Variants in TSHZ2 observed in about 807,000 individuals in gnomAD.
TSHZ2 encodes teashirt homolog 2.
A neutral mutation model predicts 74.4 loss-of-function variants in TSHZ2; 21 were observed. The observed-to-expected ratio is 0.28, with a 90% confidence interval of 0.20 to 0.41. TSHZ2 has a LOEUF of 0.41. Among genes scored for constraint, TSHZ2 ranks in the 10% least tolerant of loss-of-function variants. TSHZ2 has a pLI of 1.00. For missense variants in TSHZ2, 1,244 were observed against 1,293.5 expected (o/e 0.96, Z 0.59); for synonymous variants, 540 against 515.3 (o/e 1.05, Z -0.65).
At chr20:52,979,259 C>G (rs972957652) in intron 1 of TSHZ2, among the ~76,000 whole-genome samples, 3 of 151,954 alleles carry the variant, frequency 2.0e-5, no homozygotes, top group Non-Finnish European at 4.4e-5. Context: ...TTAGAGATAG[C>G]ATTTAAAGTG....
At chr20:53,478,366 C>T (rs1986044108) in intron 2 of TSHZ2, among the ~76,000 whole-genome samples, 1 of 151,750 alleles carries the variant, frequency 6.6e-6, no homozygotes, top group Admixed American at 6.6e-5. Context: ...TTTGTAGGGA[C>T]ATGGATGAAA....
At chr20:53,220,860 G>A (rs1743819170) in intron 1 of TSHZ2, among the ~76,000 whole-genome samples, 2 of 152,250 alleles carry the variant, frequency 1.3e-5, no homozygotes, top group Non-Finnish European at 2.9e-5. Context: ...GAACTGGAGT[G>A]CTTGTTCTGC....
At chr20:53,189,006 CAGCTT>C (rs758964241) in intron 1 of TSHZ2, among the ~76,000 whole-genome samples, 2 of 152,314 alleles carry the variant, frequency 1.3e-5, no homozygotes, top group East Asian at 3.9e-4. Flanking sequence ...CAAAAGCACA[CAGCTT>C]AGAAGTAGCA....
chr20:53,378,380 T>C (rs925917646), intron 2 of TSHZ2, among the ~76,000 whole-genome samples: 2 of 139,452 alleles, frequency 1.4e-5, no homozygotes, highest in African/African-American at 5.3e-5. Flanking sequence ...ATAATAATAA[T>C]AGAACCTAAT....
rs138245848 is a variant in TSHZ2 at position 53,341,451 on chromosome 20, T to C, written c.*8+84880T>C. On this transcript the variant is annotated intron_variant, in intron 2 of 2. Transcript: ENST00000371497. ...GGAGGAACAGGTTGGCCACCCTTGC[T>C]AAGGCTTTTCATGCATTATCTCTTT... is the stretch of plus-strand genomic sequence containing the variant. 4.3e-3 allele frequency among the ~76,000 whole-genome samples: 653 copies of C among 152,238 alleles called. 2 individuals carry two copies. Among genetic ancestry groups the C allele is most frequent in the Middle Eastern group, 0.024 (7 of 294 alleles).
At chr20:53,196,004 A>C (rs575283457) in intron 1 of TSHZ2, among the ~76,000 whole-genome samples, 3 of 152,306 alleles carry the variant, frequency 2.0e-5, no homozygotes, top group South Asian at 4.2e-4. Flanking sequence ...TTGGGAAGGC[A>C]TAACAAGGGG....
chr20:53,034,588 GT>G (rs1162587226), intron 1 of TSHZ2, among the ~76,000 whole-genome samples: 1 of 152,216 alleles, frequency 6.6e-6, no homozygotes, highest in African/African-American at 2.4e-5. Flanking sequence ...TGAGTCGGAA[GT>G]TATTTTACAG....
At chr20:53,056,865 G>A (rs929951011) in intron 1 of TSHZ2, among the ~76,000 whole-genome samples, 2 of 152,174 alleles carry the variant, frequency 1.3e-5, no homozygotes, top group Non-Finnish European at 2.9e-5. Context: ...CTTAGGATCT[G>A]TCCAGTGGCT....
At chr20:53,040,939 T>C (rs1355522305) in intron 1 of TSHZ2, among the ~76,000 whole-genome samples, 1 of 152,128 alleles carries the variant, frequency 6.6e-6, no homozygotes, top group Non-Finnish European at 1.5e-5. Context: ...CAGCAGCTGC[T>C]TTCTTTACCG....
intron 1 of TSHZ2, among the ~76,000 whole-genome samples, chr20:53,209,359 T>C (rs1475024012): frequency 6.6e-6 from 1 of 152,154 alleles, no homozygotes; most frequent in African/African-American, 2.4e-5. Flanking sequence ...AGTGCTGGGA[T>C]TACAGGCATG....
chr20:53,336,267 C>T (rs1379485338), intron 2 of TSHZ2, among the ~76,000 whole-genome samples: 4 of 152,122 alleles, frequency 2.6e-5, no homozygotes, highest in Admixed American at 2.0e-4. Flanking sequence ...GAAATTCTAC[C>T]ACGTCTCCTT....
intron 2 of TSHZ2, among the ~76,000 whole-genome samples, chr20:53,392,850 C>T (rs934618844): frequency 1.9e-4 from 29 of 151,536 alleles, no homozygotes; most frequent in African/African-American, 6.8e-4. Context: ...TCTTTTTTTT[C>T]TTGAGACAGA....
chr20:53,220,192 A>G (rs1989521854), intron 1 of TSHZ2, among the ~76,000 whole-genome samples: 1 of 152,230 alleles, frequency 6.6e-6, no homozygotes. Flanking sequence ...ATGAAGGAAC[A>G]GATTTTAAAC....
intron 1 of TSHZ2, among the ~76,000 whole-genome samples, chr20:52,974,115 T>C (rs976999623): frequency 2.0e-5 from 3 of 152,200 alleles, no homozygotes; most frequent in Non-Finnish European, 4.4e-5. Context: ...ATCAGTACAA[T>C]AGACCTTCTA....
intron 2 of TSHZ2, among the ~76,000 whole-genome samples, chr20:53,478,624 A>G (rs973682747): frequency 4.0e-5 from 6 of 150,820 alleles, no homozygotes; most frequent in South Asian, 2.1e-4. Flanking sequence ...TAACTAACCT[A>G]CACAATGTGC....
chr20:53,156,233 A>G (rs986771857), intron 1 of TSHZ2, among the ~76,000 whole-genome samples: 2 of 152,220 alleles, frequency 1.3e-5, no homozygotes, highest in African/African-American at 4.8e-5. Flanking sequence ...CAAAAAAGCT[A>G]GTTGAAGAGG....
chr20:53,267,841 T>C (rs1301381766), intron 2 of TSHZ2, among the ~76,000 whole-genome samples: 1 of 152,250 alleles, frequency 6.6e-6, no homozygotes, highest in Admixed American at 6.5e-5. Context: ...TCTTAATTCT[T>C]GCAACAACTT....
chr20:53,482,251 A>C (rs1178727174), intron 2 of TSHZ2, among the ~76,000 whole-genome samples: 2 of 152,176 alleles, frequency 1.3e-5, no homozygotes, highest in Non-Finnish European at 2.9e-5. Context: ...GTGGTTGAAG[A>C]GACAAGAATG....
intron 1 of TSHZ2, among the ~76,000 whole-genome samples, chr20:52,980,108 T>A (rs1447168150): frequency 2.0e-5 from 3 of 152,170 alleles, no homozygotes; most frequent in Non-Finnish European, 4.4e-5. Flanking sequence ...TTTTAAAAAA[T>A]TGTTTCAGAA....
Sources: allele counts gnomAD v4.1 joint callset (sites outside exome capture counted in the v4.1 genomes callset), GRCh38; gene constraint gnomAD v4.1.1; transcripts MANE v1.5; gene names NCBI Gene and HGNC (gene_info 2026-07-23, HGNC 2026-07-21).